Variants in KCNIP4 observed in about 807,000 individuals in gnomAD.
KCNIP4 encodes potassium voltage-gated channel interacting protein 4, also known as Kv channel-interacting protein 4.
A neutral mutation model predicts 34.0 loss-of-function variants in KCNIP4; 12 were observed. That is an observed-to-expected ratio of 0.35 (90% confidence interval 0.23 to 0.57). The LOEUF is 0.57. KCNIP4 is among the 20% of genes least tolerant of loss of function. The pLI, the probability that KCNIP4 is intolerant of heterozygous loss-of-function variation, is 0.83. For missense variants in KCNIP4, 238 were observed against 311.7 expected, an observed-to-expected ratio of 0.76 and a Z score of 1.78; for synonymous variants, 124 against 102.2, an observed-to-expected ratio of 1.21 and a Z score of -1.29.
At chr4:20,989,294 T>C (rs959572824) in intron 1 of KCNIP4, among the ~76,000 whole-genome samples, 4 of 152,158 alleles carry the variant, frequency 2.6e-5, no homozygotes, top group Non-Finnish European at 5.9e-5. Context: ...ATACAATCTT[T>C]TAGGAATCAT....
intron 3 of KCNIP4, among the ~76,000 whole-genome samples, chr4:20,822,361 C>T (rs1363272555): frequency 6.6e-6 from 1 of 152,144 alleles, no homozygotes; most frequent in Admixed American, 6.5e-5. Context: ...AGACTAAAAC[C>T]ACAATGAGAT....
intron 1 of KCNIP4, among the ~76,000 whole-genome samples, chr4:21,413,885 C>T (rs1033875004): frequency 2.6e-5 from 4 of 152,166 alleles, no homozygotes; most frequent in African/African-American, 9.7e-5. Context: ...AGTCTTTCCC[C>T]CAAACCACTT....
intron 1 of KCNIP4, among the ~76,000 whole-genome samples, chr4:21,106,156 G>A (rs1379790875): frequency 6.6e-6 from 1 of 151,574 alleles, no homozygotes; most frequent in Non-Finnish European, 1.5e-5. Flanking sequence ...GATTGGAATA[G>A]TTTCAGAAGG....
intron 1 of KCNIP4, among the ~76,000 whole-genome samples, chr4:21,072,762 G>T (rs1745089466): frequency 6.6e-6 from 1 of 152,078 alleles, no homozygotes; most frequent in Admixed American, 6.6e-5. Flanking sequence ...TTTCTCCTAG[G>T]GTTTTTATGG....
At chr4:21,647,698 T>C (rs553506891) in intron 1 of KCNIP4, among the ~76,000 whole-genome samples, 1 of 152,180 alleles carries the variant, frequency 6.6e-6, no homozygotes, top group East Asian at 1.9e-4. Flanking sequence ...GTATTCTCTC[T>C]GTGTCCATAC....
At chr4:21,833,571 G>T (rs1723130387) in intron 1 of KCNIP4, among the ~76,000 whole-genome samples, 1 of 152,064 alleles carries the variant, frequency 6.6e-6, no homozygotes, top group South Asian at 2.1e-4. Context: ...AGTTTGTTTT[G>T]CTGTGCAGAA....
intron 1 of KCNIP4, among the ~76,000 whole-genome samples, chr4:21,321,789 GGAA>G (rs1714475076): frequency 6.8e-6 from 1 of 147,054 alleles, no homozygotes; most frequent in Non-Finnish European, 1.5e-5. Context: ...GAGAGAGGAA[GGAA>G]GGAGGGAGGG....
chr4:20,741,432 A>G (rs898870814), intron 5 of KCNIP4, among the ~76,000 whole-genome samples: 4 of 152,252 alleles, frequency 2.6e-5, no homozygotes, highest in African/African-American at 9.6e-5. Flanking sequence ...AAACTGCACA[A>G]CTACTTGGAA....
At chr4:20,928,511 A>T (rs1402730306) in intron 1 of KCNIP4, among the ~76,000 whole-genome samples, 1 of 151,976 alleles carries the variant, frequency 6.6e-6, no homozygotes, top group East Asian at 1.9e-4. Context: ...GCCTACATTA[A>T]AAAAGAAGGT....
chr4:21,524,704 C>T (rs144386434), intron 1 of KCNIP4, among the ~76,000 whole-genome samples: 127 of 152,190 alleles, frequency 8.3e-4, no homozygotes, highest in African/African-American at 3.0e-3. Context: ...CTTCCTATCA[C>T]TTATTTTTTG....
At chr4:21,289,583 T>G (rs1180971528) in intron 1 of KCNIP4, among the ~76,000 whole-genome samples, 1 of 152,164 alleles carries the variant, frequency 6.6e-6, no homozygotes, top group African/African-American at 2.4e-5. Flanking sequence ...AAGGACAAGT[T>G]TTATAAAGTA....
intron 1 of KCNIP4, among the ~76,000 whole-genome samples, chr4:21,349,091 C>G (rs945995814): frequency 6.6e-6 from 1 of 152,110 alleles, no homozygotes; most frequent in African/African-American, 2.4e-5. Flanking sequence ...TAAGTTAGAA[C>G]CTTGCCTTCA....
chr4:21,108,695 T>C (rs1748828440), intron 1 of KCNIP4, among the ~76,000 whole-genome samples: 1 of 151,718 alleles, frequency 6.6e-6, no homozygotes, highest in South Asian at 2.1e-4. Flanking sequence ...AGTTTCCAGT[T>C]CTTCTGCTCT....
At chr4:21,579,967 C>T (rs576814180) in intron 1 of KCNIP4, among the ~76,000 whole-genome samples, 14 of 152,126 alleles carry the variant, frequency 9.2e-5, no homozygotes, top group African/African-American at 1.7e-4. Context: ...AACATTACAA[C>T]GAGAATTATC....
In KCNIP4 at chr4:20,854,637, G is replaced by GA. The variant is rs528227979; in HGVS notation, c.164-3971dup. On this transcript the variant is annotated intron_variant, in intron 2 of 8. Coordinates refer to ENST00000382152, the MANE Select transcript of KCNIP4 (RefSeq NM_025221.6). The stretch of plus-strand genomic sequence containing the variant: ...CACCTGTACCCCAATAATTTATGAG[G>GA]AAAAAAAGAATTGAAGGACATCTGT... Among the ~76,000 whole-genome samples the GA allele has an allele frequency of 4.2e-3, 638 of 151,912 alleles. 1 individual carries two copies. The highest frequency in any genetic ancestry group is 6.8e-3 in the Middle Eastern group (2 of 294).
chr4:21,645,394 C>A (rs1165393029), intron 1 of KCNIP4, among the ~76,000 whole-genome samples: 16 of 152,106 alleles, frequency 1.1e-4, no homozygotes, highest in Non-Finnish European at 2.4e-4. Context: ...AATAAATATA[C>A]ATTGTTATTA....
intron 1 of KCNIP4, among the ~76,000 whole-genome samples, chr4:21,051,073 C>G (rs1454676877): frequency 1.3e-5 from 2 of 152,226 alleles, no homozygotes; most frequent in Non-Finnish European, 1.5e-5. Context: ...TTTCTAGGCA[C>G]TAGCTTCTCT....
chr4:21,426,479 T>C (rs1430815161), intron 1 of KCNIP4, among the ~76,000 whole-genome samples: 3 of 152,224 alleles, frequency 2.0e-5, no homozygotes, highest in African/African-American at 7.2e-5. Context: ...GTCAAATATT[T>C]AGACTACACA....
chr4:20,859,269 A>T (rs1204242980), intron 2 of KCNIP4, among the ~76,000 whole-genome samples: 2 of 152,148 alleles, frequency 1.3e-5, no homozygotes, highest in African/African-American at 2.4e-5. Context: ...TTTGGGAAAG[A>T]TGAATGTTTG....
Sources: gnomAD v4.1 joint callset for allele counts (sites outside exome capture counted in the v4.1 genomes callset) on GRCh38, gnomAD v4.1.1 for gene constraint, MANE v1.5 for transcripts, NCBI Gene and HGNC (gene_info 2026-07-23, HGNC 2026-07-21) for gene names.